THRB: variants seen among roughly 807,000 people sequenced by gnomAD.
The protein encoded by THRB is thyroid hormone receptor beta.
THRB carries 12 observed loss-of-function variants against 47.8 expected under a neutral mutation model. The observed-to-expected ratio is 0.25, with a 90% CI of 0.16 to 0.41. The LOEUF (loss-of-function observed/expected upper bound fraction) is 0.41, where lower values mean the gene tolerates loss of function less well. THRB is among the 10% of genes least tolerant of loss of function. THRB has a pLI of 1.00. For missense variants in THRB, 348 were observed against 589.2 expected (o/e 0.59, Z 4.24); for synonymous variants, 218 against 212.2 (o/e 1.03, Z -0.24).
intron 3 of THRB, among the ~76,000 whole-genome samples, chr3:24,279,872 T>C (rs942219177): frequency 5.9e-5 from 9 of 152,218 alleles, no homozygotes; most frequent in African/African-American, 1.9e-4. Flanking sequence ...CTGTGATCCA[T>C]GGACCATGGT....
At chr3:24,375,512 G>A (rs1258406403) in intron 1 of THRB, among the ~76,000 whole-genome samples, 1 of 143,488 alleles carries the variant, frequency 7.0e-6, no homozygotes, top group Non-Finnish European at 1.5e-5. Context: ...ATTATAGTTA[G>A]ACATATAATA....
At chr3:24,346,791 G>T (rs1205610212) in intron 1 of THRB, among the ~76,000 whole-genome samples, 1 of 151,956 alleles carries the variant, frequency 6.6e-6, no homozygotes, top group Non-Finnish European at 1.5e-5. Flanking sequence ...AACATTGCTA[G>T]AACTAGAAAA....
chr3:24,473,359 T>C (rs1694979813), intron 1 of THRB, among the ~76,000 whole-genome samples: 1 of 152,214 alleles, frequency 6.6e-6, no homozygotes, highest in South Asian at 2.1e-4. Context: ...ATGAGCTTTT[T>C]TTCATATGCT....
intron 5 of THRB, among the ~76,000 whole-genome samples, chr3:24,159,440 G>A (rs2038415350): frequency 6.6e-6 from 1 of 152,194 alleles, no homozygotes; most frequent in Non-Finnish European, 1.5e-5. Flanking sequence ...CAATGGAAAT[G>A]AGCTATGACA....
intron 1 of THRB, among the ~76,000 whole-genome samples, chr3:24,426,053 T>G (rs1408296956): frequency 1.3e-5 from 2 of 151,870 alleles, no homozygotes. Flanking sequence ...TAATATAACT[T>G]ACCTATCAGG....
intron 1 of THRB, among the ~76,000 whole-genome samples, 176 bp from the exon 2 acceptor site, chr3:24,337,547 A>G (rs2062340207): frequency 6.6e-6 from 1 of 152,182 alleles, no homozygotes. Context: ...TAAAGGGGAG[A>G]TGGTTTCAGG....
At chr3:24,217,312 G>A (rs2046667969) in intron 4 of THRB, among the ~76,000 whole-genome samples, 1 of 152,038 alleles carries the variant, frequency 6.6e-6, no homozygotes, top group African/African-American at 2.4e-5. Context: ...ACACTTCCAT[G>A]AAAAATGCCT....
At chr3:24,398,067 G>A (rs1015797650) in intron 1 of THRB, among the ~76,000 whole-genome samples, 1 of 152,108 alleles carries the variant, frequency 6.6e-6, no homozygotes, top group African/African-American at 2.4e-5. Flanking sequence ...AACTGCTTAT[G>A]TATCAATGGA....
intron 3 of THRB, among the ~76,000 whole-genome samples, chr3:24,289,870 T>A (rs1301763457): frequency 3.3e-5 from 5 of 152,202 alleles, no homozygotes; most frequent in African/African-American, 1.2e-4. Context: ...TTCCCTATCA[T>A]GGTGACAAAC....
intron 3 of THRB, among the ~76,000 whole-genome samples, chr3:24,285,963 G>A (rs571948502): frequency 6.6e-6 from 1 of 152,310 alleles, no homozygotes; most frequent in South Asian, 2.1e-4. Context: ...AGTTGGGTTA[G>A]ATTAGGTCTG....
At chr3:24,269,369 T>G (rs2053023032) in intron 3 of THRB, among the ~76,000 whole-genome samples, 1 of 128,148 alleles carries the variant, frequency 7.8e-6, no homozygotes, top group African/African-American at 3.1e-5. Flanking sequence ...GACACCATCA[T>G]AGCTCATCAT....
intron 9 of THRB, among the ~76,000 whole-genome samples, chr3:24,130,164 G>A (rs1052732698): frequency 3.9e-5 from 6 of 152,134 alleles, no homozygotes; most frequent in Non-Finnish European, 5.9e-5. Flanking sequence ...CCACCATCCC[G>A]CCACCATTGT....
At chr3:24,268,327 A>C (rs1480551870) in intron 3 of THRB, among the ~76,000 whole-genome samples, 1 of 152,226 alleles carries the variant, frequency 6.6e-6, no homozygotes, top group Non-Finnish European at 1.5e-5. Context: ...GTAAACCCTG[A>C]CAAATAAAAA....
At chr3:24,481,603 T>A (rs114274115) in intron 1 of THRB, among the ~76,000 whole-genome samples, 2 of 152,038 alleles carry the variant, frequency 1.3e-5, no homozygotes, top group Non-Finnish European at 2.9e-5. Flanking sequence ...TATAGATATA[T>A]AGCAAGTGAC....
chr3:24,277,456 G>C (rs2054044652), intron 3 of THRB, among the ~76,000 whole-genome samples: 1 of 152,132 alleles, frequency 6.6e-6, no homozygotes, highest in African/African-American at 2.4e-5. Context: ...CCCACCCCCA[G>C]AATTTTTGAT....
At chr3:24,230,488 C>T (rs920981580) in intron 3 of THRB, among the ~76,000 whole-genome samples, 1 of 152,150 alleles carries the variant, frequency 6.6e-6, no homozygotes, top group East Asian at 1.9e-4. Flanking sequence ...TGCATTCTTG[C>T]CTCTGATTAG....
rs958219481 is a variant in THRB at position 24,121,439 on chromosome 3, A to G, written c.*1445T>C. ...TAAAAGGTAGGCAAAGGAATAGTTTATATCTACTATGCCAGTGGAGAATGA... is the reference window on the plus strand; with the variant it reads ...TAAAAGGTAGGCAAAGGAATAGTTTGTATCTACTATGCCAGTGGAGAATGA... On this transcript the variant is annotated 3_prime_UTR_variant, in exon 11 of 11. Coordinates refer to ENST00000646209, the MANE Select transcript of THRB (RefSeq NM_001354712.2). 2.6e-5 allele frequency: 4 copies of G among 152,668 alleles called. No homozygotes were observed. The highest frequency in any genetic ancestry group is 7.2e-5 in the African/African-American group (3 of 41,452). 9.5% of individuals were successfully genotyped at this position (152,668 alleles called of 1,614,324 possible).
At chr3:24,218,448 G>T (rs1226785697) in intron 4 of THRB, among the ~76,000 whole-genome samples, 1 of 149,300 alleles carries the variant, frequency 6.7e-6, no homozygotes, top group Admixed American at 6.7e-5. Flanking sequence ...CTAGTGAGAA[G>T]ACATGAATTA....
At chr3:24,258,050 C>A (rs1161393856) in intron 3 of THRB, among the ~76,000 whole-genome samples, 2 of 152,148 alleles carry the variant, frequency 1.3e-5, no homozygotes, top group African/African-American at 4.8e-5. Flanking sequence ...AAAACACTCT[C>A]TTTGTATGAA....
Sources: allele counts gnomAD v4.1 joint callset (sites outside exome capture counted in the v4.1 genomes callset), GRCh38; gene constraint gnomAD v4.1.1; transcripts MANE v1.5; gene names NCBI Gene and HGNC (gene_info 2026-07-23, HGNC 2026-07-21).